Variants in KCTD16 observed in about 807,000 individuals in gnomAD.
KCTD16 encodes the protein potassium channel tetramerization domain containing 16.
In KCTD16, 13 loss-of-function variants were observed where a neutral mutation model predicts 33.2. The observed-to-expected ratio is 0.39, with a 90% CI of 0.25 to 0.62. KCTD16 has a LOEUF of 0.62. Ranked by LOEUF, KCTD16 falls within the 20% of genes least tolerant of loss-of-function variation. The pLI is 0.50. For missense variants in KCTD16, 441 were observed against 525.1 expected (o/e 0.84, Z 1.57); for synonymous variants, 197 against 195.3 (o/e 1.01, Z -0.07).
chr5:144,295,105 C>T (rs758707967), intron 3 of KCTD16, among the ~76,000 whole-genome samples: 2 of 152,126 alleles, frequency 1.3e-5, no homozygotes, highest in Non-Finnish European at 2.9e-5. Flanking sequence ...CAGTATTTGT[C>T]ACATAAATTT....
chr5:144,417,588 GAAC>G (rs1753091572), intron 3 of KCTD16, among the ~76,000 whole-genome samples: 1 of 151,970 alleles, frequency 6.6e-6, no homozygotes, highest in Admixed American at 6.6e-5. Context: ...CAATTTCTTA[GAAC>G]AAAATATTTT....
At chr5:144,389,063 C>T (rs1752394260) in intron 3 of KCTD16, among the ~76,000 whole-genome samples, 1 of 152,102 alleles carries the variant, frequency 6.6e-6, no homozygotes, top group African/African-American at 2.4e-5. Context: ...AGCATCCTTC[C>T]CTCCTTCCCA....
chr5:144,215,448 C>T (rs1017508696), intron 3 of KCTD16, among the ~76,000 whole-genome samples: 2 of 152,154 alleles, frequency 1.3e-5, no homozygotes, highest in Non-Finnish European at 1.5e-5. Flanking sequence ...CTTCTCTTCC[C>T]ATAAATGTTA....
At chr5:144,171,147 C>G (rs1050254876) in intron 1 of KCTD16, 138 bp downstream of exon 1, 1 of 152,112 alleles carries the variant, frequency 6.6e-6, no homozygotes, top group African/African-American at 2.4e-5. Context: ...TGACATCTAC[C>G]CACCTGGAGT....
At chr5:144,309,142 A>G (rs1476913373) in intron 3 of KCTD16, among the ~76,000 whole-genome samples, 1 of 152,174 alleles carries the variant, frequency 6.6e-6, no homozygotes, top group Non-Finnish European at 1.5e-5. Context: ...CAAACCAATT[A>G]GCAGTGAGAA....
chr5:144,414,616 A>C (rs556594493), intron 3 of KCTD16, among the ~76,000 whole-genome samples: 1 of 152,254 alleles, frequency 6.6e-6, no homozygotes, highest in Non-Finnish European at 1.5e-5. Context: ...TTGCTGGTAC[A>C]TGACCTCCAG....
chr5:144,426,231 A>G (rs115387694), intron 3 of KCTD16, among the ~76,000 whole-genome samples: 259 of 152,210 alleles, frequency 1.7e-3, no homozygotes, highest in African/African-American at 6.1e-3. Context: ...AGTCTTTCCA[A>G]CTATATAACC....
chr5:144,453,156 C>CA (rs1753984634), intron 3 of KCTD16, among the ~76,000 whole-genome samples: 1 of 152,094 alleles, frequency 6.6e-6, no homozygotes, highest in African/African-American at 2.4e-5. Flanking sequence ...GAAGGGCCGC[C>CA]ATTTTCTCTA....
At chr5:144,193,619 T>A (rs1752886525) in intron 2 of KCTD16, among the ~76,000 whole-genome samples, 1 of 152,150 alleles carries the variant, frequency 6.6e-6, no homozygotes, top group African/African-American at 2.4e-5. Flanking sequence ...ATGATCTGTG[T>A]GTCTGGCCTA....
At position 144,441,104 on chromosome 5, in the gene KCTD16, A is replaced by T. The variant is rs551771340; in HGVS notation, c.833-32556A>T. ...TATTCGGATCCTTTGTTCATTTTTC[A>T]TTGGGTTATCTATGTTTTTTTATTG... On this transcript the variant is annotated intron_variant, in intron 3 of 3. Transcript: ENST00000512467. Among the ~76,000 whole-genome samples the T allele has an allele frequency of 1.9e-4, 29 of 152,150 alleles. No individual in the cohort carries two copies. In the South Asian group the frequency reaches 5.6e-3, roughly 29 times the overall value.
intron 3 of KCTD16, among the ~76,000 whole-genome samples, chr5:144,233,413 T>A (rs1418805440): frequency 6.6e-6 from 1 of 152,108 alleles, no homozygotes; most frequent in East Asian, 1.9e-4. Flanking sequence ...TTCCATCTGA[T>A]TTTTGTAAAC....
At chr5:144,234,986 A>G (rs1039299362) in intron 3 of KCTD16, among the ~76,000 whole-genome samples, 2 of 152,076 alleles carry the variant, frequency 1.3e-5, no homozygotes, top group African/African-American at 2.4e-5. Flanking sequence ...TGTCTCTTCT[A>G]GATGAAAGCT....
chr5:144,369,469 A>G (rs374285339), intron 3 of KCTD16: 3 of 152,260 alleles, frequency 2.0e-5, no homozygotes, highest in East Asian at 3.9e-4. Flanking sequence ...CGTAATATGC[A>G]GTGGTCATTC....
At chr5:144,183,907 A>G (rs968478044) in intron 2 of KCTD16, among the ~76,000 whole-genome samples, 3 of 152,176 alleles carry the variant, frequency 2.0e-5, no homozygotes, top group Admixed American at 6.5e-5. Flanking sequence ...ATAGTGCTTG[A>G]TACTTGATTC....
chr5:144,394,395 T>G (rs2126940881), intron 3 of KCTD16, among the ~76,000 whole-genome samples: 1 of 152,302 alleles, frequency 6.6e-6, no homozygotes, highest in African/African-American at 2.4e-5. Context: ...TGAGAAAAGT[T>G]GCCTATGATA....
At chr5:144,393,175 C>A (rs185739453) in intron 3 of KCTD16, among the ~76,000 whole-genome samples, 16 of 152,154 alleles carry the variant, frequency 1.1e-4, no homozygotes, top group Admixed American at 3.9e-4. Flanking sequence ...TCACTGTTGC[C>A]CCTACATCTT....
chr5:144,220,953 G>A (rs11167850), intron 3 of KCTD16, among the ~76,000 whole-genome samples: 101,625 of 149,068 alleles, frequency 0.68, 36,256 homozygotes, highest in African/African-American at 0.91. Flanking sequence ...AAAAAAAAAA[G>A]AAGAAGAAAT....
At chr5:144,243,421 T>G (rs1754457787) in intron 3 of KCTD16, among the ~76,000 whole-genome samples, 1 of 152,206 alleles carries the variant, frequency 6.6e-6, no homozygotes, top group Admixed American at 6.5e-5. Context: ...TATTATCTCT[T>G]TGTATGTGGT....
At chr5:144,171,113 A>G (rs1211484520) in intron 1 of KCTD16, 104 bp downstream of exon 1, 2 of 152,192 alleles carry the variant, frequency 1.3e-5, no homozygotes, top group Non-Finnish European at 2.9e-5. Flanking sequence ...GCTGCTGGGG[A>G]TACTGTGGTA....
Sources: allele counts gnomAD v4.1 joint callset (sites outside exome capture counted in the v4.1 genomes callset), GRCh38; gene constraint gnomAD v4.1.1; transcripts MANE v1.5; gene names NCBI Gene and HGNC (gene_info 2026-07-23, HGNC 2026-07-21).